GABRB2: variants seen among roughly 807,000 people sequenced by gnomAD.
The protein encoded by GABRB2 is gamma-aminobutyric acid type A receptor subunit beta2, also known as gamma-aminobutyric acid receptor subunit beta-2.
A neutral mutation model predicts 54.7 loss-of-function variants in GABRB2; 16 were observed. The observed-to-expected ratio is 0.29, with a 90% confidence interval of 0.20 to 0.44. The LOEUF is 0.44. Ranked by LOEUF, GABRB2 falls within the 20% of genes least tolerant of loss-of-function variation. GABRB2 has a pLI of 1.00. For missense variants in GABRB2, 355 were observed against 644.0 expected (o/e 0.55, Z 4.86); for synonymous variants, 244 against 233.8 (o/e 1.04, Z -0.40).
chr5:161,304,488 G>A (rs1396049924), intron 9 of GABRB2, among the ~76,000 whole-genome samples: 1 of 152,160 alleles, frequency 6.6e-6, no homozygotes, highest in Non-Finnish European at 1.5e-5. Context: ...AGGCCTTGCT[G>A]TGGCAACTTC....
intron 4 of GABRB2, among the ~76,000 whole-genome samples, chr5:161,443,505 C>T (rs1757524441): frequency 6.6e-6 from 1 of 152,118 alleles, no homozygotes; most frequent in Non-Finnish European, 1.5e-5. Context: ...CAACCTAAAA[C>T]CTATTTAGTG....
chr5:161,304,114 G>C (rs1433077322), intron 9 of GABRB2, among the ~76,000 whole-genome samples: 1 of 152,182 alleles, frequency 6.6e-6, no homozygotes. Context: ...GGTCATATAA[G>C]AACGTGAAGC....
At chr5:161,392,323 T>A (rs920777114) in intron 5 of GABRB2, among the ~76,000 whole-genome samples, 5 of 152,222 alleles carry the variant, frequency 3.3e-5, no homozygotes, top group Non-Finnish European at 5.9e-5. Context: ...CTTCTTCATA[T>A]GGAAATGATC....
intron 5 of GABRB2, among the ~76,000 whole-genome samples, chr5:161,410,155 A>T (rs1385825849): frequency 6.6e-6 from 1 of 152,140 alleles, no homozygotes; most frequent in African/African-American, 2.4e-5. Context: ...ATTTAGTGGG[A>T]TAAAGATTTA....
intron 5 of GABRB2, among the ~76,000 whole-genome samples, chr5:161,390,382 G>A: frequency 6.6e-6 from 1 of 152,106 alleles, no homozygotes; most frequent in African/African-American, 2.4e-5. Context: ...CTTCCAAAGA[G>A]CAAAAATTTC....
rs142868937 is a variant in GABRB2, at chr5:161,397,927, G to C, written c.541+13048C>G. On this transcript the variant is annotated intron_variant, in intron 5 of 9. Transcript: ENST00000393959. Reference sequence around the variant, plus strand: ...CTTTGTGCCTCATTTTATTCTCATAGGGTAGATACACCACAATGAGAAAAT... The same window carrying C: ...CTTTGTGCCTCATTTTATTCTCATACGGTAGATACACCACAATGAGAAAAT... 3.2e-3 allele frequency among the ~76,000 whole-genome samples: 483 copies of C among 152,132 alleles called. 2 individuals carry two copies. Among genetic ancestry groups the C allele is most frequent in the Non-Finnish European group, 5.3e-3 (358 of 68,008 alleles).
chr5:161,427,714 A>G (rs1272609474), intron 4 of GABRB2, among the ~76,000 whole-genome samples: 1 of 152,222 alleles, frequency 6.6e-6, no homozygotes, highest in Non-Finnish European at 1.5e-5. Context: ...TAGAAATATT[A>G]AAGTATTTCA....
chr5:161,480,065 T>C (rs1476705741), intron 3 of GABRB2, among the ~76,000 whole-genome samples: 1 of 152,038 alleles, frequency 6.6e-6, no homozygotes, highest in African/African-American at 2.4e-5. Flanking sequence ...CCACTGCCAC[T>C]ACCACTACCT....
At chr5:161,496,798 CA>C (rs1450280423) in intron 3 of GABRB2, among the ~76,000 whole-genome samples, 2 of 152,108 alleles carry the variant, frequency 1.3e-5, no homozygotes, top group Non-Finnish European at 2.9e-5. Flanking sequence ...TTCTTTGTAA[CA>C]TTTTTTTCAA....
rs574358463 is a variant in GABRB2 at position 161,454,218 on chromosome 5, C to A, written c.458+5406G>T. ...TATTGAAGGCATGCTACAACTGAGGCGCTTGCCTTGGGGATTGAGGGTCTC... is the reference window on the plus strand; with the variant it reads ...TATTGAAGGCATGCTACAACTGAGGAGCTTGCCTTGGGGATTGAGGGTCTC... On this transcript the variant is annotated intron_variant, in intron 4 of 9. Transcript: ENST00000393959. Among the ~76,000 whole-genome samples the A allele has an allele frequency of 2.0e-5, 3 of 152,210 alleles. No individual in the cohort carries two copies. The East Asian group carries it at 5.8e-4, about 29-fold the overall frequency.
intron 3 of GABRB2, among the ~76,000 whole-genome samples, chr5:161,478,715 G>A (rs1758667627): frequency 6.6e-6 from 1 of 152,050 alleles, no homozygotes; most frequent in South Asian, 2.1e-4. Context: ...CATACAATGT[G>A]CCCTTCAGAT....
intron 3 of GABRB2, among the ~76,000 whole-genome samples, chr5:161,461,453 C>A (rs188475527): frequency 4.9e-4 from 74 of 152,138 alleles, no homozygotes; most frequent in Admixed American, 1.5e-3. Context: ...AGTTTCAGTT[C>A]CATTAAATAT....
intron 8 of GABRB2, 168 bp downstream of exon 8, chr5:161,330,715 G>C (rs1753813009): frequency 1.1e-6 from 1 of 884,914 alleles, no homozygotes; most frequent in Admixed American, 2.5e-5. Context: ...TCATGAGTTT[G>C]GTCCCTAATT....
chr5:161,338,479 T>C (rs767257118), intron 5 of GABRB2, among the ~76,000 whole-genome samples: 2 of 152,144 alleles, frequency 1.3e-5, no homozygotes, highest in African/African-American at 2.4e-5. Context: ...TTTTTTTACA[T>C]AACTTTCATT....
At chr5:161,491,762 T>C (rs548454165) in intron 3 of GABRB2, among the ~76,000 whole-genome samples, 2 of 151,690 alleles carry the variant, frequency 1.3e-5, no homozygotes, top group Admixed American at 6.6e-5. Context: ...TACTGGAGAT[T>C]ATGTCTTAGA....
intron 3 of GABRB2, among the ~76,000 whole-genome samples, chr5:161,469,672 C>CACACAT (rs59675873): frequency 0.41 from 57,128 of 140,974 alleles, 12,490 homozygotes; most frequent in Non-Finnish European, 0.49. Context: ...AAACATTATT[C>CACACAT]ACACATACAC....
At chr5:161,444,805 AT>A (rs1009541673) in intron 4 of GABRB2, among the ~76,000 whole-genome samples, 3 of 152,038 alleles carry the variant, frequency 2.0e-5, no homozygotes, top group Non-Finnish European at 4.4e-5. Context: ...ATAGTCTTTG[AT>A]AATTGGGTTT....
At chr5:161,377,060 A>G (rs1368640146) in intron 5 of GABRB2, among the ~76,000 whole-genome samples, 1 of 152,186 alleles carries the variant, frequency 6.6e-6, no homozygotes, top group Non-Finnish European at 1.5e-5. Context: ...CTAAATTAAG[A>G]AAAACTATTT....
At chr5:161,537,076 C>T (rs1198017472) in intron 3 of GABRB2, among the ~76,000 whole-genome samples, 5 of 152,050 alleles carry the variant, frequency 3.3e-5, no homozygotes, top group Admixed American at 6.6e-5. Flanking sequence ...TGGCATCTGA[C>T]GCAGCTGACT....
Sources: gnomAD v4.1 joint callset for allele counts (sites outside exome capture counted in the v4.1 genomes callset) on GRCh38, gnomAD v4.1.1 for gene constraint, MANE v1.5 for transcripts, NCBI Gene and HGNC (gene_info 2026-07-23, HGNC 2026-07-21) for gene names.